The following IGF2 variants were observed in gnomAD, a reference collection of about 807,000 sequenced individuals.
IGF2 encodes the protein insulin-like growth factor 2.
IGF2 carries 2 observed loss-of-function variants against 12.0 expected under a neutral mutation model. The observed-to-expected ratio is 0.17, with a 90% CI of 0.07 to 0.52. The LOEUF (loss-of-function observed/expected upper bound fraction) is 0.52, where lower values mean the gene tolerates loss of function less well. Ranked by LOEUF, IGF2 falls within the 20% of genes least tolerant of loss-of-function variation. The probability of loss-of-function intolerance (pLI) is 0.95; values close to 1 mark genes in which losing one functional copy is unlikely to be tolerated. For missense variants in IGF2, 211 were observed against 268.0 expected (o/e 0.79, Z 1.48); for synonymous variants, 105 against 110.1 (o/e 0.95, Z 0.29).
At chr11:2,147,900 C>G in the IGF2 span, 4 of 995,142 alleles carry the variant, frequency 4.0e-6, no homozygotes, top group East Asian at 3.3e-5. The surrounding 1 kb of genome is among the most constrained non-coding windows in gnomAD (Gnocchi z 7.2). Flanking sequence ...CTGTCCCATC[C>G]CCCTCCCCGG....
chr11:2,135,913 G>A (rs1858994899), intron 1 of IGF2, among the ~76,000 whole-genome samples: 1 of 152,206 alleles, frequency 6.6e-6, no homozygotes, highest in Non-Finnish European at 1.5e-5. Flanking sequence ...TGGGGGCAGG[G>A]CCAGCCCAGC....
At position 2,133,456 on chromosome 11, in the gene IGF2, G is replaced by C; in HGVS notation, c.306+61C>G. 1 of 1,521,378 alleles carries C rather than the reference G, an allele frequency of 6.6e-7. No homozygotes were observed. The allele number at this position is 1,521,378 out of a possible 1,614,324, so 94.2% of individuals were successfully genotyped here. On this transcript the variant is annotated intron_variant, in intron 3 of 3. Coordinates refer to ENST00000416167, the MANE Select transcript of IGF2 (RefSeq NM_000612.6). This position sits in a 1 kb window ranked among gnomAD's most constrained non-coding sequence, Gnocchi z 8.9. ...GGTCCCAGAGGCCACAGGAAACGCT[G>C]GGCGCCCGAAGCCCTATTTCTCTGT...
At chr11:2,148,310 A>G in the IGF2 span, 47,322 of 153,766 alleles carry the variant, frequency 0.31, 7,652 homozygotes, top group East Asian at 0.53. This position sits in a 1 kb window ranked among gnomAD's most constrained non-coding sequence, Gnocchi z 4.3. Flanking sequence ...TCCTGGGGAA[A>G]TGAACCCCCT....
At position 2,129,813 on chromosome 11, in the gene IGF2, G is replaced by C. The variant is rs1038922506; in HGVS notation, c.*3174C>G. On this transcript the variant is annotated 3_prime_UTR_variant, in exon 4 of 4. Coordinates refer to ENST00000416167, the MANE Select transcript of IGF2 (RefSeq NM_000612.6). This position sits in a 1 kb window ranked among gnomAD's most constrained non-coding sequence, Gnocchi z 8.1. ...GGGGGGCTGAGCTGGGGGCACAAGT[G>C]GGGGCGAGGTAAACCTCCCAGAGGC... 7 of 232,200 alleles carry C rather than the reference G, an allele frequency of 3.0e-5. No homozygotes were observed. The highest frequency in any genetic ancestry group is 1.1e-4 in the Admixed American group (2 of 17,752). 14.4% of individuals were successfully genotyped at this position (232,200 alleles called of 1,614,324 possible).
rs1858643136 is a variant in IGF2, at chr11:2,132,043, T to TGTGTGTGTGCTGTGTGCTC, written c.*943_*944insGAGCACACAGCACACACAC. The TGTGTGTGTGCTGTGTGCTC allele has an allele frequency of 2.7e-5, 5 of 184,378 alleles. No homozygotes were observed. Among genetic ancestry groups the TGTGTGTGTGCTGTGTGCTC allele is most frequent in the Admixed American group, 1.9e-4 (3 of 15,486 alleles). The allele number at this position is 184,378 out of a possible 1,614,324, so 11.4% of individuals were successfully genotyped here. A position where few individuals can be genotyped will look rare whatever the true frequency, so the allele number is the denominator to read the frequency against. On this transcript the variant is annotated 3_prime_UTR_variant, in exon 4 of 4. Coordinates refer to ENST00000416167, the MANE Select transcript of IGF2 (RefSeq NM_000612.6). ...CTGTGTGCTGTGTGTGCTGTGCGTT[T>TGTGTGTGTGCTGTGTGCTC]GTGTGTGTGCTGTGCTCGTGTGTGT...
At position 2,138,934 on chromosome 11, in the gene IGF2, C is replaced by CT; in HGVS notation, c.-713dup. Reference sequence around the variant, plus strand: ...CAGCTCGGTTTGGGCCGACGGAGCCCTCTGCCGTCGCGAGCCCGGGCCTCG... The same window carrying CT: ...CAGCTCGGTTTGGGCCGACGGAGCCCTTCTGCCGTCGCGAGCCCGGGCCTCG... On this transcript the variant is annotated 5_prime_UTR_variant, in exon 1 of 4. Transcript: ENST00000416167. 1.0e-6 allele frequency: 1 copy of CT among 984,320 alleles called. No individual in the cohort carries two copies. Among genetic ancestry groups the CT allele is most frequent in the Non-Finnish European group, 1.2e-6 (1 of 829,272 alleles). The allele number at this position is 984,320 out of a possible 1,614,324, so 61.0% of individuals were successfully genotyped here.
chr11:2,147,802 C>T, the IGF2 span: 29 of 1,247,720 alleles, frequency 2.3e-5, no homozygotes, highest in South Asian at 4.1e-5. The surrounding 1 kb of genome is among the most constrained non-coding windows in gnomAD (Gnocchi z 7.2). Flanking sequence ...GGTGACTCTT[C>T]GGCCCCTGGG....
chr11:2,137,838 G>A (rs1252924264), intron 1 of IGF2, among the ~76,000 whole-genome samples: 1 of 152,164 alleles, frequency 6.6e-6, no homozygotes, highest in South Asian at 2.1e-4. Context: ...ACCAGGGTGG[G>A]CTTCTGCGGC....
rs1049415654 is a variant in IGF2 at position 2,137,531 on chromosome 11, G to T, written c.-7+698C>A. Among the ~76,000 whole-genome samples the T allele has an allele frequency of 1.9e-4, 15 of 79,886 alleles. No individual in the cohort carries two copies. The East Asian group carries it at 2.3e-3, about 12-fold the overall frequency. 52.4% of individuals were successfully genotyped at this position (79,886 alleles called of 152,430 possible). ...CTCATCTCTGCACAGGGCAGTGAAG[G>T]GGGGGGGGGTCTCCTTCCCACCTCC... On this transcript the variant is annotated intron_variant, in intron 1 of 3. Transcript: ENST00000416167.
chr11:2,140,892 G>T, upstream of IGF2: 1 of 376,666 alleles, frequency 2.7e-6, no homozygotes, highest in East Asian at 1.3e-4. Context: ...GGCGCACCAG[G>T]AGCTCAGGCA....
Position 2,138,862 on chromosome 11 carries a change from C to G in IGF2, c.-640G>C. On this transcript the variant is annotated 5_prime_UTR_variant, in exon 1 of 4. Coordinates refer to ENST00000416167, the MANE Select transcript of IGF2 (RefSeq NM_000612.6). ...CGCCACGTCGAGGGGCCGGGGGAGG[C>G]GGTGACTGGGGGGCGGAGTGGAGGC... 1 of 945,110 alleles carries G rather than the reference C, an allele frequency of 1.1e-6. No individual in the cohort carries two copies. The highest frequency in any genetic ancestry group is 1.2e-6 in the Non-Finnish European group (1 of 810,544). The allele number at this position is 945,110 out of a possible 1,614,324, so 58.5% of individuals were successfully genotyped here.
Position 2,132,567 on chromosome 11 carries a change from AT to A in IGF2, c.*419del, listed in dbSNP as rs891607785. On this transcript the variant is annotated 3_prime_UTR_variant, in exon 4 of 4. Transcript: ENST00000416167. Reference sequence around the variant, plus strand: ...AATACTTTTTTTTTTTAGCCAATTGATTTTTTTTGGTGGTTGTTTTTTTTAA... The same window carrying A: ...AATACTTTTTTTTTTTAGCCAATTGATTTTTTTGGTGGTTGTTTTTTTTAA... 11 of 157,156 alleles carry A rather than the reference AT, an allele frequency of 7.0e-5. No homozygotes were observed. Among genetic ancestry groups the A allele is most frequent in the South Asian group, 2.5e-4 (1 of 4,058 alleles). The allele number at this position is 157,156 out of a possible 1,614,324, so 9.7% of individuals were successfully genotyped here.
At chr11:2,144,401 C>G (rs17884412), upstream of IGF2, among the ~76,000 whole-genome samples, 2,496 of 152,320 alleles carry the variant, frequency 0.016, 58 homozygotes, top group African/African-American at 0.055. Context: ...GTGGCCACCT[C>G]CGGCCTGCCC....
chr11:2,130,593 A>C lies in IGF2; in HGVS notation c.*2394T>G, dbSNP rs1205649753. On this transcript the variant is annotated 3_prime_UTR_variant, in exon 4 of 4. Coordinates refer to ENST00000416167, the MANE Select transcript of IGF2 (RefSeq NM_000612.6). ...AAGGAGGGGTAAAAAAAAAACAAAAAAAAAAAAAAAAGGAAAAATGCCCCA... is the reference window on the plus strand; with the variant it reads ...AAGGAGGGGTAAAAAAAAAACAAAACAAAAAAAAAAAGGAAAAATGCCCCA... The C allele has an allele frequency of 2.3e-5, 5 of 218,462 alleles. No individual in the cohort carries two copies. The highest frequency in any genetic ancestry group is 4.5e-5 in the African/African-American group (2 of 44,286). The allele number at this position is 218,462 out of a possible 1,614,324, so 13.5% of individuals were successfully genotyped here. A position where few individuals can be genotyped will look rare whatever the true frequency, so the allele number is the denominator to read the frequency against.
At chr11:2,142,737 G>C (rs895757000), upstream of IGF2, among the ~76,000 whole-genome samples, 1 of 152,248 alleles carries the variant, frequency 6.6e-6, no homozygotes, top group African/African-American at 2.4e-5. This position sits in a 1 kb window ranked among gnomAD's most constrained non-coding sequence, Gnocchi z 5.7. Flanking sequence ...TTGTGATGCA[G>C]AGAAAGTGCT....
chr11:2,148,747 C>T, the IGF2 span: 3 of 227,172 alleles, frequency 1.3e-5, no homozygotes, highest in Middle Eastern at 3.1e-3. This position sits in a 1 kb window ranked among gnomAD's most constrained non-coding sequence, Gnocchi z 4.3. Flanking sequence ...GGAAACTTTT[C>T]ACACAGAAAG....
chr11:2,133,777 C>A lies in IGF2; in HGVS notation c.158-112G>T. 1.5e-6 allele frequency: 2 copies of A among 1,308,886 alleles called. No homozygotes were observed. Among genetic ancestry groups the A allele is most frequent in the Non-Finnish European group, 2.1e-6 (2 of 949,610 alleles). The allele number at this position is 1,308,886 out of a possible 1,614,324, so 81.1% of individuals were successfully genotyped here. ...GCCCTCAGGCCAGGCCCTGGAAGGA[C>A]GCAGCCACCCTGCGGGTCAGGGGAG... is the stretch of plus-strand genomic sequence containing the variant. On this transcript the variant is annotated intron_variant, in intron 2 of 3. Transcript: ENST00000416167. This position sits in a 1 kb window ranked among gnomAD's most constrained non-coding sequence, Gnocchi z 8.9.
chr11:2,138,692 G>T lies in IGF2; in HGVS notation c.-470C>A. 1.1e-6 allele frequency: 1 copy of T among 948,432 alleles called. No homozygotes were observed. Among genetic ancestry groups the T allele is most frequent in the Non-Finnish European group, 1.2e-6 (1 of 800,938 alleles). 58.8% of individuals were successfully genotyped at this position (948,432 alleles called of 1,614,324 possible). A position where few individuals can be genotyped will look rare whatever the true frequency, so the allele number is the denominator to read the frequency against. ...CCACTTTGGTTCGGCGAAGGCGAGAGGGCGGGCGTGAGGGGGGGAGGGAGT... is the reference window on the plus strand; with the variant it reads ...CCACTTTGGTTCGGCGAAGGCGAGATGGCGGGCGTGAGGGGGGGAGGGAGT... On this transcript the variant is annotated 5_prime_UTR_variant, in exon 1 of 4. Coordinates refer to ENST00000416167, the MANE Select transcript of IGF2 (RefSeq NM_000612.6).
At chr11:2,134,690 G>C (rs2133589271) in intron 2 of IGF2, among the ~76,000 whole-genome samples, 1 of 152,280 alleles carries the variant, frequency 6.6e-6, no homozygotes, top group East Asian at 1.9e-4. Context: ...CACCATGCCT[G>C]CCTCTGCATC....
Sources: gnomAD v4.1 joint callset for allele counts (sites outside exome capture counted in the v4.1 genomes callset) on GRCh38, gnomAD v4.1.1 for gene constraint, Gnocchi (gnomAD v3.1) non-coding constraint, MANE v1.5 for transcripts, NCBI Gene and HGNC (gene_info 2026-07-23, HGNC 2026-07-21) for gene names.